ZFHX3: variants seen among roughly 807,000 people sequenced by gnomAD.
ZFHX3 encodes zinc finger homeobox protein 3.
In ZFHX3, 42 loss-of-function variants were observed where a neutral mutation model predicts 279.1. The observed-to-expected ratio is 0.15, with a 90% CI of 0.12 to 0.19. ZFHX3 has a LOEUF of 0.19. Among genes scored for constraint, ZFHX3 ranks in the 10% least tolerant of loss-of-function variants. ZFHX3 has a pLI of 1.00. For missense variants in ZFHX3, 4,981 were observed against 4,754.0 expected (o/e 1.05, Z -1.40); for synonymous variants, 2,293 against 1,957.8 (o/e 1.17, Z -4.52).
At chr16:73,338,973 T>A (rs771040672) in intron 3 of ZFHX3, among the ~76,000 whole-genome samples, 6 of 152,144 alleles carry the variant, frequency 3.9e-5, no homozygotes, top group South Asian at 2.1e-4. Context: ...TGTGTCTGTT[T>A]CCCTTGGCCT....
intron 1 of ZFHX3, among the ~76,000 whole-genome samples, chr16:73,840,047 G>C (rs1477048165): frequency 6.6e-6 from 1 of 152,130 alleles, no homozygotes; most frequent in Non-Finnish European, 1.5e-5. Flanking sequence ...CAGGCATCTG[G>C]AGTGAACAGG....
At chr16:73,539,447 T>C (rs2019972504) in intron 2 of ZFHX3, among the ~76,000 whole-genome samples, 1 of 139,294 alleles carries the variant, frequency 7.2e-6, no homozygotes, top group African/African-American at 2.7e-5. Flanking sequence ...TTTTTTTTTT[T>C]TTTTTTTTTT....
chr16:73,292,891 TC>T (rs2014809847), intron 4 of ZFHX3, among the ~76,000 whole-genome samples: 1 of 152,140 alleles, frequency 6.6e-6, no homozygotes, highest in African/African-American at 2.4e-5. Flanking sequence ...TCTGGTATGT[TC>T]CATAGGGGAC....
chr16:73,068,780 G>C (rs1965788170), intron 8 of ZFHX3, among the ~76,000 whole-genome samples: 1 of 152,190 alleles, frequency 6.6e-6, no homozygotes, highest in Non-Finnish European at 1.5e-5. Flanking sequence ...GACATCCAAA[G>C]GCAGGCCCCT....
At chr16:73,164,905 T>C (rs1384515376) in intron 5 of ZFHX3, among the ~76,000 whole-genome samples, 1 of 152,176 alleles carries the variant, frequency 6.6e-6, no homozygotes, top group Non-Finnish European at 1.5e-5. Flanking sequence ...CACTTGAGGT[T>C]AGACAGCTAA....
chr16:73,462,133 A>G (rs1199245142), intron 2 of ZFHX3, among the ~76,000 whole-genome samples: 1 of 152,070 alleles, frequency 6.6e-6, no homozygotes, highest in Non-Finnish European at 1.5e-5. Context: ...TACATGATGT[A>G]TTTTTAATTT....
Position 72,787,609 on chromosome 16 carries a change from C to G in ZFHX3, c.10667G>C (p.Arg3556Thr), listed in dbSNP as rs1188564840. 2 of 1,613,838 alleles carry G rather than the reference C, an allele frequency of 1.2e-6. No homozygotes were observed. The highest frequency in any genetic ancestry group is 1.7e-6 in the Non-Finnish European group (2 of 1,179,906). The change falls in exon 10 of 10, where the codon AGA becomes ACA. Residue 3556 changes from arginine to threonine, a missense_variant. By Grantham distance (71) the Arg-to-Thr change is moderately conservative. This residue lies in a region of ZFHX3 where 1,034 missense variants were observed against 786.0 expected (regional missense o/e 1.32). Transcript: ENST00000268489. ...QHLESALHKH[R>T]TITRAARNAK... Reference sequence around the variant, plus strand: ...GTTTCTTGCTGCTCTCGTGATTGTTCTGTGTTTGTGCAAGGCCGACTCGAG... The same window carrying G: ...GTTTCTTGCTGCTCTCGTGATTGTTGTGTGTTTGTGCAAGGCCGACTCGAG...
At chr16:73,768,870 T>C (rs2053984481) in intron 1 of ZFHX3, among the ~76,000 whole-genome samples, 1 of 152,142 alleles carries the variant, frequency 6.6e-6, no homozygotes, top group Non-Finnish European at 1.5e-5. Flanking sequence ...GCTAGGAAAC[T>C]GACTATTCCA....
At chr16:72,842,153 G>A (rs1301565875) in intron 4 of ZFHX3, among the ~76,000 whole-genome samples, 1 of 152,168 alleles carries the variant, frequency 6.6e-6, no homozygotes, top group Non-Finnish European at 1.5e-5. Flanking sequence ...CCCGCTGACA[G>A]AAAAATCCTT....
At chr16:72,811,798 G>A (rs563794934) in intron 6 of ZFHX3, 21 bp from the exon 7 acceptor site, 1 of 1,608,374 alleles carries the variant, frequency 6.2e-7, no homozygotes, top group African/African-American at 1.3e-5. Context: ...CACACCCACT[G>A]CTTTGAGCAA....
intron 4 of ZFHX3, among the ~76,000 whole-genome samples, chr16:72,830,307 G>T (rs2037032634): frequency 6.6e-6 from 1 of 152,254 alleles, no homozygotes; most frequent in Admixed American, 6.5e-5. Flanking sequence ...ACCAGCCCCA[G>T]TCACTGACCC....
intron 3 of ZFHX3, among the ~76,000 whole-genome samples, chr16:73,375,681 C>G (rs1354675241): frequency 6.6e-6 from 1 of 152,172 alleles, no homozygotes; most frequent in Non-Finnish European, 1.5e-5. Flanking sequence ...ATCTCCTTTT[C>G]TCCATGCTAA....
At chr16:72,897,895 C>G (rs895292857) in intron 3 of ZFHX3, among the ~76,000 whole-genome samples, 3 of 152,124 alleles carry the variant, frequency 2.0e-5, no homozygotes, top group African/African-American at 7.2e-5. Flanking sequence ...AGACTTGAGT[C>G]CAAGTACCAA....
intron 9 of ZFHX3, chr16:72,789,366 T>C (rs2035601113): frequency 6.5e-6 from 1 of 152,736 alleles, no homozygotes; most frequent in African/African-American, 2.4e-5. Context: ...CCATTCACTC[T>C]GCCCAACTGC....
chr16:73,833,908 G>A (rs8047528), intron 1 of ZFHX3, among the ~76,000 whole-genome samples: 2,738 of 151,372 alleles, frequency 0.018, 91 homozygotes, highest in African/African-American at 0.062. Flanking sequence ...GTGTATGTGT[G>A]TATATGTAAT....
intron 2 of ZFHX3, among the ~76,000 whole-genome samples, chr16:73,485,368 G>C (rs8056532): frequency 0.21 from 30,964 of 146,138 alleles, 3,568 homozygotes; most frequent in African/African-American, 0.31. Flanking sequence ...ACATTCAGCT[G>C]TTTAGATACA....
intron 4 of ZFHX3, among the ~76,000 whole-genome samples, chr16:72,834,912 A>G (rs1275706316): frequency 6.6e-6 from 1 of 152,200 alleles, no homozygotes; most frequent in Non-Finnish European, 1.5e-5. Context: ...AGGGGAGTCA[A>G]TCAATGATTA....
chr16:72,876,591 G>GA (rs572905645), intron 4 of ZFHX3, among the ~76,000 whole-genome samples: 4,615 of 144,634 alleles, frequency 0.032, 246 homozygotes, highest in African/African-American at 0.11. Context: ...CAGGCATGTT[G>GA]AAAAAAAAAA....
chr16:73,523,532 C>G (rs1309844474), intron 2 of ZFHX3, among the ~76,000 whole-genome samples: 1 of 151,952 alleles, frequency 6.6e-6, no homozygotes, highest in South Asian at 2.1e-4. Context: ...CAAAATCAGC[C>G]TTGCAAATGG....
Sources: gnomAD v4.1 joint callset for allele counts (sites outside exome capture counted in the v4.1 genomes callset) on GRCh38, gnomAD v4.1.1 for gene constraint, gnomAD v4.1.1 regional missense constraint, MANE v1.5 for transcripts, NCBI Gene and HGNC (gene_info 2026-07-23, HGNC 2026-07-21) for gene names.